The following FAM20A variants were observed in gnomAD, a reference collection of about 807,000 sequenced individuals.
FAM20A encodes the protein FAM20A golgi associated secretory pathway pseudokinase.
In FAM20A, 42 loss-of-function variants were observed where a neutral mutation model predicts 52.0. The observed-to-expected ratio is 0.81, with a 90% CI of 0.63 to 1.04. The LOEUF is 1.04. Ranked by LOEUF, FAM20A falls within the 50% of genes least tolerant of loss-of-function variation. FAM20A has a pLI of 0.00. For synonymous variants in FAM20A, 304 were observed against 298.9 expected (o/e 1.02, Z -0.18); for missense variants, 742 against 712.7 (o/e 1.04, Z -0.47).
In FAM20A at chr17:68,551,911, C is replaced by A. The variant is rs1423573014; in HGVS notation, c.681G>T (p.Arg227Ser). 9 of 1,591,400 alleles carry A rather than the reference C, an allele frequency of 5.7e-6. No homozygotes were observed. Among genetic ancestry groups the A allele is most frequent in the East Asian group, 4.5e-5 (2 of 44,076 alleles). ...ACATGGCCTTCCCGAAATCCGAGAA[C>A]CTCAGCACCAGCTTGAGGTGGACCC... ...PSGVHLKLVLRFSDFGKAMFK... is the reference protein window; with the variant it reads ...PSGVHLKLVLSFSDFGKAMFK... The change falls in exon 4 of 11, where the codon AGG becomes AGT. Residue 227 changes from arginine (R) to serine (S), a missense_variant. Transcript: ENST00000592554.
At position 68,545,831 on chromosome 17, in the gene FAM20A, A is replaced by G. The variant is rs2086528523; in HGVS notation, c.720-2110T>C. 2.0e-5 allele frequency among the ~76,000 whole-genome samples: 3 copies of G among 152,232 alleles called. No homozygotes were observed. In the South Asian group the frequency reaches 6.2e-4, roughly 32 times the overall value. On this transcript the variant is annotated intron_variant, in intron 4 of 10. Transcript: ENST00000592554. Reference sequence around the variant, plus strand: ...TGTTCACAGCGTCTTCACCAGAAGTAGATTCTATCTCAAGAAACCACTTTC... The same window carrying G: ...TGTTCACAGCGTCTTCACCAGAAGTGGATTCTATCTCAAGAAACCACTTTC...
chr17:68,592,665 CA>C (rs1357586414), intron 1 of FAM20A, among the ~76,000 whole-genome samples: 1 of 152,212 alleles, frequency 6.6e-6, no homozygotes, highest in Non-Finnish European at 1.5e-5. Flanking sequence ...CATCTCTTTC[CA>C]CACCACCTTG....
In FAM20A at chr17:68,594,261, T is replaced by C. The variant is rs139724324; in HGVS notation, c.404+6002A>G. Among the ~76,000 whole-genome samples the C allele has an allele frequency of 4.6e-3, 693 of 151,764 alleles. 9 individuals carry two copies. Among genetic ancestry groups the C allele is most frequent in the African/African-American group, 0.015 (615 of 41,486 alleles). ...AAAAATACAAAAAGTTAGCTGGGCG[T>C]AGTGGCGGGCGCCTGTAGTCCCAGC... On this transcript the variant is annotated intron_variant, in intron 1 of 10. Transcript: ENST00000592554.
intron 1 of FAM20A, among the ~76,000 whole-genome samples, chr17:68,581,341 A>G: frequency 1.0e-5 from 1 of 98,424 alleles, no homozygotes; most frequent in Non-Finnish European, 2.2e-5. Context: ...GGTATCTCCG[A>G]AATGCAGTTT....
At chr17:68,552,906 C>T (rs1433375241) in intron 3 of FAM20A, among the ~76,000 whole-genome samples, 3 of 108,578 alleles carry the variant, frequency 2.8e-5, no homozygotes, top group African/African-American at 9.7e-5. Context: ...TGGTCTCGAT[C>T]TCCTGACCTC....
Position 68,599,695 on chromosome 17 carries a change from T to C in FAM20A, c.404+568A>G, listed in dbSNP as rs1420008730. Among the ~76,000 whole-genome samples, 7 of 152,194 alleles carry C rather than the reference T, an allele frequency of 4.6e-5. No individual in the cohort carries two copies. In the East Asian group the frequency reaches 1.2e-3, roughly 25 times the overall value. On this transcript the variant is annotated intron_variant, in intron 1 of 10. Transcript: ENST00000592554. ...GGCAGAGAACTGACCATTTACTTCC[T>C]GCCTCAGATGACCCCCTTGTGATCT...
intron 1 of FAM20A, among the ~76,000 whole-genome samples, chr17:68,581,417 T>TCTTTC (rs1368089967): frequency 1.1e-3 from 117 of 103,298 alleles, no homozygotes; most frequent in African/African-American, 4.4e-3. Flanking sequence ...TTTCTTTCTT[T>TCTTTC]TTCTCTTTTC....
At chr17:68,569,254 A>C (rs540533919) in intron 1 of FAM20A, among the ~76,000 whole-genome samples, 1 of 152,108 alleles carries the variant, frequency 6.6e-6, no homozygotes, top group Non-Finnish European at 1.5e-5. Flanking sequence ...TGTCCCCTGC[A>C]TCACCGAATT....
chr17:68,575,706 T>C (rs1418769301), intron 1 of FAM20A, among the ~76,000 whole-genome samples: 2 of 127,014 alleles, frequency 1.6e-5, no homozygotes, highest in Admixed American at 2.0e-4. Context: ...ATATATATTA[T>C]ATATTATATA....
At chr17:68,554,570 G>C (rs1390490476) in intron 3 of FAM20A, among the ~76,000 whole-genome samples, 4 of 152,188 alleles carry the variant, frequency 2.6e-5, no homozygotes, top group African/African-American at 9.7e-5. Flanking sequence ...CCTGGGCCAC[G>C]CATTGCCCAG....
At chr17:68,558,810 G>T (rs1266318871) in intron 1 of FAM20A, among the ~76,000 whole-genome samples, 3 of 151,604 alleles carry the variant, frequency 2.0e-5, no homozygotes, top group Non-Finnish European at 4.4e-5. Flanking sequence ...CTAGGCTAGA[G>T]TGCAATGGCA....
chr17:68,551,233 T>A (rs2086820522), intron 4 of FAM20A: 1 of 851,656 alleles, frequency 1.2e-6, no homozygotes, highest in Non-Finnish European at 1.6e-6. Context: ...ATACATATTA[T>A]TTCACTCATC....
Position 68,600,474 on chromosome 17 carries a change from C to T in FAM20A, c.193G>A (p.Gly65Ser), listed in dbSNP as rs143371801. ...RDSAAAASDP[G>S]TIVHNFSRTE... is the part of the protein sequence containing the mutation. ...CGGGAAAAGTTGTGCACGATCGTGC[C>T]GGGGTCCGAGGCAGCTGCGGCCGAG... The change falls in exon 1 of 11, where the codon GGC becomes AGC. Residue 65 changes from glycine to serine, a missense_variant. Coordinates refer to ENST00000592554, the MANE Select transcript of FAM20A (RefSeq NM_017565.4). The surrounding 1 kb of genome is among the most constrained non-coding windows in gnomAD (Gnocchi z 6.2). 242 of 1,605,774 alleles carry T rather than the reference C, an allele frequency of 1.5e-4. 2 individuals carry two copies. The African/African-American group carries it at 2.8e-3, about 18-fold the overall frequency.
Position 68,600,407 on chromosome 17 carries a change from C to T in FAM20A, c.260G>A (p.Gly87Glu), listed in dbSNP as rs745901854. 3.1e-6 allele frequency: 5 copies of T among 1,609,764 alleles called. No individual in the cohort carries two copies. The South Asian group carries it at 5.5e-5, about 18-fold the overall frequency. ...RTEPAGGSHSGSSSKLQALFA... is the reference protein window; with the variant it reads ...RTEPAGGSHSESSSKLQALFA... ...GAGGGCCTGCAACTTGGAGCTCGAC[C>T]CGCTGTGGCTGCCGCCAGCCGGTTC... The change falls in exon 1 of 11, where the codon GGG becomes GAG. Residue 87 changes from glycine to glutamate, a missense_variant. Coordinates refer to ENST00000592554, the MANE Select transcript of FAM20A (RefSeq NM_017565.4). The surrounding 1 kb of genome is among the most constrained non-coding windows in gnomAD (Gnocchi z 6.2).
intron 4 of FAM20A, among the ~76,000 whole-genome samples, chr17:68,550,814 T>A (rs1227879730): frequency 6.6e-6 from 1 of 152,198 alleles, no homozygotes; most frequent in Non-Finnish European, 1.5e-5. Context: ...CCTCCTTAAG[T>A]GAATCTAACA....
chr17:68,544,234 T>TA lies in FAM20A; in HGVS notation c.720-514dup, dbSNP rs1568726609. On this transcript the variant is annotated intron_variant, in intron 4 of 10. Transcript: ENST00000592554. ...GGGTCTTAGGGGGATGTGGGGGAAATACGTGGACCATCATCCCCTCAGAGA... is the reference window on the plus strand; with the variant it reads ...GGGTCTTAGGGGGATGTGGGGGAAATAACGTGGACCATCATCCCCTCAGAGA... Among the ~76,000 whole-genome samples the TA allele has an allele frequency of 7.9e-5, 11 of 138,830 alleles. No homozygotes were observed. The South Asian group carries it at 2.0e-3, about 26-fold the overall frequency. The allele number at this position is 138,830 out of a possible 152,430, so 91.1% of individuals were successfully genotyped here.
chr17:68,553,010 T>C (rs536283531), intron 3 of FAM20A, among the ~76,000 whole-genome samples: 6 of 152,290 alleles, frequency 3.9e-5, no homozygotes, highest in Admixed American at 6.5e-5. Context: ...CTTAGTGATA[T>C]GGTTAGGCTT....
intron 1 of FAM20A, among the ~76,000 whole-genome samples, chr17:68,580,636 T>G (rs1229158241): frequency 1.3e-5 from 2 of 152,232 alleles, no homozygotes; most frequent in African/African-American, 4.8e-5. Context: ...TATCATGGAT[T>G]GTCCCAGGGT....
intron 1 of FAM20A, among the ~76,000 whole-genome samples, chr17:68,582,839 G>A (rs2143867861): frequency 7.4e-6 from 1 of 134,678 alleles, no homozygotes; most frequent in East Asian, 2.2e-4. Flanking sequence ...GCCCAGGCTG[G>A]ATGGAGTGTA....
Sources: gnomAD v4.1 joint callset for allele counts (sites outside exome capture counted in the v4.1 genomes callset) on GRCh38, gnomAD v4.1.1 for gene constraint, Gnocchi (gnomAD v3.1) non-coding constraint, MANE v1.5 for transcripts, NCBI Gene and HGNC (gene_info 2026-07-23, HGNC 2026-07-21) for gene names.